Variants in THSD4 observed in about 807,000 individuals in gnomAD.
THSD4 encodes thrombospondin type 1 domain containing 4.
In THSD4, 69 loss-of-function variants were observed where a neutral mutation model predicts 119.0. That is an observed-to-expected ratio of 0.58 (90% CI 0.48 to 0.71). The LOEUF is 0.71. THSD4 is among the 30% of genes least tolerant of loss of function. The pLI is 0.00. For synonymous variants in THSD4, 524 were observed against 540.4 expected (o/e 0.97, Z 0.42); for missense variants, 1,393 against 1,391.1 (o/e 1.00, Z -0.02).
At chr15:71,365,138 T>C (rs1325555217) in intron 6 of THSD4, among the ~76,000 whole-genome samples, 2 of 146,846 alleles carry the variant, frequency 1.4e-5, no homozygotes, top group Admixed American at 1.6e-4. Context: ...CCATTGTGTG[T>C]GTGTGTGTGT....
Position 71,243,046 on chromosome 15 carries a change from G to A in THSD4, c.862G>A (p.Ala288Thr), listed in dbSNP as rs749797734. The stretch of plus-strand genomic sequence containing the variant: ...CTTCTCTCAGCCTGCCCGATCTACA[G>A]CAATCTCATGCATCGGGGCCTATCG... ...QSFSQPARST[A>T]ISCIGAYRQY... The change falls in exon 5 of 18, where the codon GCA (alanine) becomes ACA (threonine). Residue 288 changes from alanine to threonine, a missense_variant. Physicochemically the swap from Ala to Thr is moderately conservative, Grantham distance 58. Transcript: ENST00000261862. The A allele has an allele frequency of 1.9e-6, 3 of 1,614,170 alleles. No homozygotes were observed. Among genetic ancestry groups the A allele is most frequent in the East Asian group, 4.5e-5 (2 of 44,868 alleles).
At chr15:71,134,423 C>A (rs2040531114) in intron 1 of THSD4, among the ~76,000 whole-genome samples, 1 of 152,358 alleles carries the variant, frequency 6.6e-6, no homozygotes, top group Admixed American at 6.5e-5. Context: ...TCAGCGCCTT[C>A]ATTCTCTTCC....
chr15:71,448,404 A>G (rs1264202810), intron 7 of THSD4, among the ~76,000 whole-genome samples: 2 of 152,198 alleles, frequency 1.3e-5, no homozygotes, highest in Non-Finnish European at 2.9e-5. Flanking sequence ...GGCATTTCAT[A>G]ATTTGATCTT....
At chr15:71,709,290 C>A (rs1224697794) in intron 8 of THSD4, among the ~76,000 whole-genome samples, 2 of 152,068 alleles carry the variant, frequency 1.3e-5, no homozygotes, top group African/African-American at 4.8e-5. Context: ...TGTCGTTAGG[C>A]CTTAGCCAGT....
At chr15:71,454,726 T>C (rs77204752) in intron 7 of THSD4, among the ~76,000 whole-genome samples, 2,940 of 152,338 alleles carry the variant, frequency 0.019, 54 homozygotes, top group Non-Finnish European at 0.028. Context: ...GCTTTCTCAG[T>C]GCAGTGTTGG....
intron 11 of THSD4, among the ~76,000 whole-genome samples, chr15:71,738,773 C>T (rs2053177449): frequency 6.6e-6 from 1 of 152,076 alleles, no homozygotes; most frequent in Non-Finnish European, 1.5e-5. Flanking sequence ...AGGTATGCAG[C>T]TCCCACATGA....
chr15:71,616,844 A>G (rs982430232), intron 7 of THSD4, among the ~76,000 whole-genome samples: 1 of 152,222 alleles, frequency 6.6e-6, no homozygotes, highest in East Asian at 1.9e-4. Flanking sequence ...CATCATGAAT[A>G]GGATTAACTC....
chr15:71,302,224 T>G (rs1016847633), intron 6 of THSD4, among the ~76,000 whole-genome samples: 1 of 152,148 alleles, frequency 6.6e-6, no homozygotes. Context: ...ACAGACAGCT[T>G]CTCATCCCAG....
rs769860638 is a variant in THSD4, at chr15:71,660,632, A to C, written c.1255A>C (p.Lys419Gln). Residue 419 changes from lysine (K) to glutamine (Q), a missense_variant, in exon 8 of 18, where the codon AAG becomes CAG. Lys to Gln is a moderately conservative substitution (Grantham distance 53). Coordinates refer to ENST00000261862, the MANE Select transcript of THSD4 (RefSeq NM_024817.3). ...CTGTCAGGTTGTGTCGGGCGTGTTT[A>C]AGCATGCCCTCACCAGCCTGGGCTA... ...TGCQVVSGVF[K>Q]HALTSLGYHR... The C allele has an allele frequency of 6.2e-7, 1 of 1,614,170 alleles. No homozygotes were observed. The highest frequency in any genetic ancestry group is 2.2e-5 in the East Asian group (1 of 44,880).
At chr15:71,532,658 G>A (rs1176561043) in intron 7 of THSD4, among the ~76,000 whole-genome samples, 1 of 152,072 alleles carries the variant, frequency 6.6e-6, no homozygotes, top group Non-Finnish European at 1.5e-5. Context: ...CCACATATTT[G>A]TTAAACTCTT....
At chr15:71,670,546 G>T (rs921166498) in intron 8 of THSD4, among the ~76,000 whole-genome samples, 6 of 150,808 alleles carry the variant, frequency 4.0e-5, no homozygotes, top group Non-Finnish European at 7.4e-5. Flanking sequence ...TGTGCACAAC[G>T]TGCAGGTTTG....
At chr15:71,710,823 G>A (rs970578821) in intron 8 of THSD4, among the ~76,000 whole-genome samples, 9 of 152,086 alleles carry the variant, frequency 5.9e-5, no homozygotes, top group South Asian at 4.2e-4. Context: ...TATCAAAGCT[G>A]TAACTTACAA....
intron 3 of THSD4, among the ~76,000 whole-genome samples, chr15:71,159,674 A>G (rs1169480921): frequency 6.6e-6 from 1 of 152,062 alleles, no homozygotes; most frequent in Non-Finnish European, 1.5e-5. Context: ...TATTAGTTCT[A>G]AGAGTTTTTT....
intron 8 of THSD4, among the ~76,000 whole-genome samples, chr15:71,724,266 G>GATATATATATATATATATATATATAT (rs144736427): frequency 3.1e-4 from 23 of 74,580 alleles, no homozygotes; most frequent in South Asian, 2.8e-3. Context: ...TCTATGATGG[G>GATATATATATATATATATATATATAT]ATATATATAT....
At chr15:71,510,962 A>C (rs2048274294) in intron 7 of THSD4, among the ~76,000 whole-genome samples, 1 of 151,836 alleles carries the variant, frequency 6.6e-6, no homozygotes, top group African/African-American at 2.4e-5. Flanking sequence ...AGGATGGATG[A>C]CCTCACGTTT....
At chr15:71,243,840 A>C (rs2044176014) in intron 5 of THSD4, among the ~76,000 whole-genome samples, 1 of 136,570 alleles carries the variant, frequency 7.3e-6, no homozygotes, top group South Asian at 2.3e-4. Flanking sequence ...GCTGGAGCAC[A>C]GTGGCGCGAT....
At chr15:71,608,097 C>T (rs2050145049) in intron 7 of THSD4, among the ~76,000 whole-genome samples, 1 of 151,742 alleles carries the variant, frequency 6.6e-6, no homozygotes, top group African/African-American at 2.4e-5. Flanking sequence ...GTGGCAGGCA[C>T]CTGTAATGCC....
intron 7 of THSD4, among the ~76,000 whole-genome samples, chr15:71,464,707 A>G (rs1275863964): frequency 6.6e-6 from 1 of 152,120 alleles, no homozygotes; most frequent in Non-Finnish European, 1.5e-5. Context: ...CAAACCCCCT[A>G]ATCAGAAATT....
intron 1 of THSD4, among the ~76,000 whole-genome samples, chr15:71,130,665 C>T (rs2040495159): frequency 6.6e-6 from 1 of 152,240 alleles, no homozygotes; most frequent in African/African-American, 2.4e-5. Context: ...GCACCTGCTT[C>T]ATAGGGTTGT....
Sources: allele counts gnomAD v4.1 joint callset (sites outside exome capture counted in the v4.1 genomes callset), GRCh38; gene constraint gnomAD v4.1.1; transcripts MANE v1.5; gene names NCBI Gene and HGNC (gene_info 2026-07-23, HGNC 2026-07-21).